CDH6: variants seen among roughly 807,000 people sequenced by gnomAD.
The protein encoded by CDH6 is cadherin 6, also known as cadherin-6.
A neutral mutation model predicts 78.0 loss-of-function variants in CDH6; 31 were observed. That is an observed-to-expected ratio of 0.40 (90% CI 0.30 to 0.54). CDH6 has a LOEUF of 0.54. CDH6 is among the 20% of genes least tolerant of loss of function. The pLI is 0.56. For missense variants in CDH6, 724 were observed against 975.9 expected (o/e 0.74, Z 3.44); for synonymous variants, 376 against 368.8 (o/e 1.02, Z -0.23).
Position 31,326,867 on chromosome 5 carries a change from G to A in CDH6, c.*3559G>A, listed in dbSNP as rs1579921811. On this transcript the variant is annotated 3_prime_UTR_variant, in exon 12 of 12. Coordinates refer to ENST00000265071, the MANE Select transcript of CDH6 (RefSeq NM_004932.4). Reference sequence around the variant, plus strand: ...CCACCACGCCCGGCTAATTTTTGTTGTATTTTTTAGTGGAGACAGGGTTTC... The same window carrying A: ...CCACCACGCCCGGCTAATTTTTGTTATATTTTTTAGTGGAGACAGGGTTTC... 1.3e-5 allele frequency: 2 copies of A among 156,398 alleles called. No homozygotes were observed. Among genetic ancestry groups the A allele is most frequent in the East Asian group, 3.3e-4 (2 of 6,054 alleles). 9.7% of individuals were successfully genotyped at this position (156,398 alleles called of 1,614,324 possible). A position where few individuals can be genotyped will look rare whatever the true frequency, so the allele number is the denominator to read the frequency against.
Position 31,220,699 on chromosome 5 carries a change from A to T in CDH6, c.-129+26813A>T, listed in dbSNP as rs113417692. Among the ~76,000 whole-genome samples the T allele has an allele frequency of 4.1e-3, 624 of 152,332 alleles. 8 individuals are homozygous for T. The highest frequency in any genetic ancestry group is 0.014 in the African/African-American group (577 of 41,580). On this transcript the variant is annotated intron_variant, in intron 1 of 11. Transcript: ENST00000265071. The stretch of plus-strand genomic sequence containing the variant: ...GACCTGGAAATAATGGTAGCAAATC[A>T]CTGAGGGGGCATATTCTCTGATACA...
chr5:31,200,597 C>CAT (rs1554035117), intron 1 of CDH6, among the ~76,000 whole-genome samples: 5 of 148,008 alleles, frequency 3.4e-5, no homozygotes, highest in African/African-American at 1.0e-4. Flanking sequence ...CACACACACA[C>CAT]ATATACACAC....
chr5:31,243,771 G>A (rs1319099906), intron 1 of CDH6, among the ~76,000 whole-genome samples: 1 of 152,136 alleles, frequency 6.6e-6, no homozygotes, highest in African/African-American at 2.4e-5. Context: ...GCTAAAACAG[G>A]AGTCCCTGCT....
At chr5:31,262,242 A>G (rs1000221609) in intron 1 of CDH6, among the ~76,000 whole-genome samples, 1 of 152,238 alleles carries the variant, frequency 6.6e-6, no homozygotes, top group Admixed American at 6.5e-5. Flanking sequence ...ACATATGCAT[A>G]TTGGCTGCCA....
chr5:31,218,258 A>G (rs1740919523), intron 1 of CDH6, among the ~76,000 whole-genome samples: 1 of 152,202 alleles, frequency 6.6e-6, no homozygotes, highest in African/African-American at 2.4e-5. Context: ...ACAGAAAAAA[A>G]GGACACAATG....
At chr5:31,285,055 C>T (rs1219880563) in intron 2 of CDH6, among the ~76,000 whole-genome samples, 1 of 152,184 alleles carries the variant, frequency 6.6e-6, no homozygotes, top group Non-Finnish European at 1.5e-5. Flanking sequence ...AGCTTCTAAT[C>T]CTCAATGGCA....
intron 6 of CDH6, among the ~76,000 whole-genome samples, chr5:31,302,790 G>A (rs59437623): frequency 1.2e-4 from 11 of 95,314 alleles, no homozygotes; most frequent in East Asian, 2.8e-4. Flanking sequence ...GAGAGAGAGA[G>A]AGAGAGAGAG....
chr5:31,270,720 G>C (rs1016200528), intron 2 of CDH6, among the ~76,000 whole-genome samples: 1 of 151,070 alleles, frequency 6.6e-6, no homozygotes, highest in Non-Finnish European at 1.5e-5. Flanking sequence ...TTTTTGAGCT[G>C]GGGTCTTGCT....
intron 7 of CDH6, among the ~76,000 whole-genome samples, chr5:31,308,792 T>A (rs1738067081): frequency 1.3e-5 from 2 of 152,090 alleles, no homozygotes; most frequent in African/African-American, 4.8e-5. Context: ...GAAAATATAA[T>A]TACTTGTAAA....
rs373901642 is a variant in CDH6 at position 31,324,302 on chromosome 5, C to T, written c.*994C>T. On this transcript the variant is annotated 3_prime_UTR_variant, in exon 12 of 12. Transcript: ENST00000265071. ...TCATATTCTTCATATCCTTCTTACA[C>T]GACTAAGTTGAATTAGTAAAGTTAG... is the stretch of plus-strand genomic sequence containing the variant. 4.0e-4 allele frequency: 85 copies of T among 211,810 alleles called. No homozygotes were observed. The South Asian group carries it at 0.013, about 32-fold the overall frequency. 13.1% of individuals were successfully genotyped at this position (211,810 alleles called of 1,614,324 possible).
At chr5:31,306,325 T>G (rs373534597) in intron 7 of CDH6, among the ~76,000 whole-genome samples, 9 of 152,336 alleles carry the variant, frequency 5.9e-5, no homozygotes, top group Admixed American at 2.6e-4. Context: ...GTTTTCCCTG[T>G]GCTTTCCTTA....
chr5:31,309,230 C>T (rs1475985805), intron 7 of CDH6, among the ~76,000 whole-genome samples: 1 of 152,038 alleles, frequency 6.6e-6, no homozygotes, highest in Non-Finnish European at 1.5e-5. Flanking sequence ...TCTTTAAAAT[C>T]AGGTTTAAAT....
intron 8 of CDH6, 31 bp from the exon 9 acceptor site, chr5:31,316,177 T>C: frequency 6.3e-7 from 1 of 1,588,846 alleles, no homozygotes; most frequent in South Asian, 1.2e-5. Context: ...AACATGTAAA[T>C]GCCTTTTTCT....
intron 1 of CDH6, among the ~76,000 whole-genome samples, chr5:31,222,070 C>G (rs1741018074): frequency 6.6e-6 from 1 of 152,106 alleles, no homozygotes; most frequent in African/African-American, 2.4e-5. Context: ...ATACCTTTTT[C>G]TATTGTAGTT....
intron 1 of CDH6, among the ~76,000 whole-genome samples, chr5:31,218,994 A>T (rs555069470): frequency 6.6e-6 from 1 of 152,268 alleles, no homozygotes; most frequent in African/African-American, 2.4e-5. Context: ...ATTATGCCAA[A>T]TGTTTCTATT....
intron 1 of CDH6, among the ~76,000 whole-genome samples, chr5:31,266,721 C>T (rs946915861): frequency 2.6e-5 from 4 of 152,120 alleles, no homozygotes; most frequent in East Asian, 1.9e-4. Context: ...CAAAATATCA[C>T]TTTAAAAACT....
intron 1 of CDH6, among the ~76,000 whole-genome samples, chr5:31,256,769 G>A (rs906571296): frequency 3.3e-5 from 5 of 152,208 alleles, no homozygotes; most frequent in African/African-American, 1.2e-4. Context: ...ACTTGCCAAT[G>A]TCTCATAGCT....
chr5:31,302,379 C>T (rs1308711107), intron 6 of CDH6, 81 bp downstream of exon 6: 2 of 973,184 alleles, frequency 2.1e-6, no homozygotes, highest in Non-Finnish European at 3.1e-6. Context: ...GCAATTATAT[C>T]TCACATAAAC....
intron 1 of CDH6, among the ~76,000 whole-genome samples, chr5:31,248,284 T>C (rs1741815590): frequency 6.6e-6 from 1 of 152,212 alleles, no homozygotes; most frequent in South Asian, 2.1e-4. Flanking sequence ...CTAAAGCTGG[T>C]AATGACTTGG....
Sources: gnomAD v4.1 joint callset for allele counts (sites outside exome capture counted in the v4.1 genomes callset) on GRCh38, gnomAD v4.1.1 for gene constraint, MANE v1.5 for transcripts, NCBI Gene and HGNC (gene_info 2026-07-23, HGNC 2026-07-21) for gene names.